The following RIN2 variants were observed in gnomAD, a reference collection of about 807,000 sequenced individuals.
RIN2 encodes Ras and Rab interactor 2.
RIN2 carries 36 observed loss-of-function variants against 78.0 expected under a neutral mutation model. The observed-to-expected ratio is 0.46, with a 90% CI of 0.35 to 0.61. The LOEUF is 0.61. Among genes scored for constraint, RIN2 ranks in the 20% least tolerant of loss-of-function variants. The pLI is 0.00. For synonymous variants in RIN2, 466 were observed against 466.8 expected (o/e 1.00, Z 0.02); for missense variants, 1,087 against 1,159.7 (o/e 0.94, Z 0.91).
At chr20:19,885,274 T>C (rs2038146019) in intron 2 of RIN2, among the ~76,000 whole-genome samples, 1 of 152,164 alleles carries the variant, frequency 6.6e-6, no homozygotes, top group Admixed American at 6.5e-5. Flanking sequence ...GGGCCGATGT[T>C]GGTCAAAGGA....
At chr20:19,928,051 C>T (rs1440009782) in intron 3 of RIN2, among the ~76,000 whole-genome samples, 2 of 152,090 alleles carry the variant, frequency 1.3e-5, no homozygotes, top group African/African-American at 2.4e-5. Context: ...TATAGGTGCA[C>T]ACCACCATGC....
At chr20:19,774,547 G>A (rs2034245377) in intron 1 of RIN2, among the ~76,000 whole-genome samples, 1 of 152,184 alleles carries the variant, frequency 6.6e-6, no homozygotes, top group South Asian at 2.1e-4. Flanking sequence ...GCATGTAAAG[G>A]AATTGAAAAT....
At chr20:19,922,553 T>A (rs550752085) in intron 3 of RIN2, among the ~76,000 whole-genome samples, 34 of 152,300 alleles carry the variant, frequency 2.2e-4, no homozygotes, top group Non-Finnish European at 1.3e-4. Context: ...TCCAAAGCTA[T>A]GGAAACCTCG....
rs1336352273 is a variant in RIN2 at position 19,996,660 on chromosome 20, C to G, written c.2201-19C>G. 1 of 1,613,846 alleles carries G rather than the reference C, an allele frequency of 6.2e-7. No individual in the cohort carries two copies. Among genetic ancestry groups the G allele is most frequent in the African/African-American group, 1.3e-5 (1 of 74,956 alleles). ...CGGAGGTTGGCACTGGGAGGACCCA[C>G]TCTTTCTGCTCTTTTCAGGAGGCTA... On this transcript the variant is annotated intron_variant, in intron 11 of 12. Coordinates refer to ENST00000255006, the MANE Select transcript of RIN2 (RefSeq NM_018993.4).
intron 2 of RIN2, among the ~76,000 whole-genome samples, chr20:19,829,262 A>G (rs1223788685): frequency 1.3e-5 from 2 of 152,160 alleles, no homozygotes; most frequent in Admixed American, 6.5e-5. Context: ...ATGAGCAGTT[A>G]TGGAAACCCA....
At chr20:19,811,602 T>C (rs905403346) in intron 2 of RIN2, among the ~76,000 whole-genome samples, 1 of 152,072 alleles carries the variant, frequency 6.6e-6, no homozygotes, top group Non-Finnish European at 1.5e-5. Flanking sequence ...AGGAACTAAT[T>C]TGTAGCTTTT....
At chr20:19,943,777 C>G (rs1207540032) in intron 4 of RIN2, among the ~76,000 whole-genome samples, 1 of 152,040 alleles carries the variant, frequency 6.6e-6, no homozygotes, top group East Asian at 1.9e-4. Flanking sequence ...ATCCATTTCC[C>G]CATGCCTCTC....
intron 1 of RIN2, among the ~76,000 whole-genome samples, chr20:19,788,389 G>A (rs1177987684): frequency 2.1e-5 from 3 of 142,426 alleles, no homozygotes; most frequent in African/African-American, 2.7e-5. Flanking sequence ...AAAGTCAGGA[G>A]TTCAAGACTA....
intron 3 of RIN2, among the ~76,000 whole-genome samples, chr20:19,915,216 G>A (rs2039634923): frequency 6.6e-6 from 1 of 152,180 alleles, no homozygotes; most frequent in Non-Finnish European, 1.5e-5. Flanking sequence ...GGAGAGTAGG[G>A]GAGTGAGACA....
intron 2 of RIN2, among the ~76,000 whole-genome samples, chr20:19,811,988 T>C (rs1375427510): frequency 6.6e-6 from 1 of 152,220 alleles, no homozygotes; most frequent in Non-Finnish European, 1.5e-5. Flanking sequence ...TATGGTCTTT[T>C]GTGCCTGACT....
intron 2 of RIN2, among the ~76,000 whole-genome samples, chr20:19,876,321 T>C (rs1007763418): frequency 6.6e-6 from 1 of 152,234 alleles, no homozygotes; most frequent in African/African-American, 2.4e-5. Context: ...ATAAATCTTT[T>C]GCCTTCGACT....
intron 3 of RIN2, among the ~76,000 whole-genome samples, chr20:19,894,404 A>T (rs556693459): frequency 1.9e-4 from 29 of 152,220 alleles, no homozygotes; most frequent in South Asian, 8.3e-4. Context: ...AAATTTTTTT[A>T]AATTTTTAAA....
intron 12 of RIN2, among the ~76,000 whole-genome samples, chr20:19,999,405 C>T (rs1413862467): frequency 6.6e-6 from 1 of 152,198 alleles, no homozygotes; most frequent in African/African-American, 2.4e-5. Context: ...CTTACATGTG[C>T]AGAGCTCACT....
chr20:19,818,249 GCAC>G (rs1301715805), intron 2 of RIN2, among the ~76,000 whole-genome samples: 1 of 151,982 alleles, frequency 6.6e-6, no homozygotes, highest in Admixed American at 6.6e-5. Context: ...TAATCTTATG[GCAC>G]CACCATTGTA....
At chr20:19,950,803 G>A (rs369752663) in intron 4 of RIN2, among the ~76,000 whole-genome samples, 36 of 151,888 alleles carry the variant, frequency 2.4e-4, no homozygotes, top group Admixed American at 9.2e-4. Flanking sequence ...TCCACTTCTC[G>A]GGTTCAAACA....
intron 2 of RIN2, among the ~76,000 whole-genome samples, chr20:19,887,919 G>C (rs2038267808): frequency 6.6e-6 from 1 of 152,194 alleles, no homozygotes; most frequent in Non-Finnish European, 1.5e-5. Flanking sequence ...AACAGGTCAT[G>C]GTTTGCTCCC....
intron 1 of RIN2, among the ~76,000 whole-genome samples, chr20:19,792,155 C>T (rs2034907335): frequency 6.6e-6 from 1 of 152,164 alleles, no homozygotes; most frequent in South Asian, 2.1e-4. Context: ...TGAAGGTCTT[C>T]AGAGGCAAAT....
intron 2 of RIN2, among the ~76,000 whole-genome samples, chr20:19,841,457 C>A (rs1343578772): frequency 6.6e-6 from 1 of 152,028 alleles, no homozygotes; most frequent in Non-Finnish European, 1.5e-5. Context: ...TTAAAAAGGC[C>A]ACCATTGAAA....
intron 1 of RIN2, among the ~76,000 whole-genome samples, chr20:19,787,745 G>T (rs1028161190): frequency 6.6e-6 from 1 of 152,170 alleles, no homozygotes; most frequent in Non-Finnish European, 1.5e-5. Context: ...ATTATGTTAT[G>T]CTTTCTGGAT....
Sources: gnomAD v4.1 joint callset for allele counts (sites outside exome capture counted in the v4.1 genomes callset) on GRCh38, gnomAD v4.1.1 for gene constraint, MANE v1.5 for transcripts, NCBI Gene and HGNC (gene_info 2026-07-23, HGNC 2026-07-21) for gene names.